Variants in MTREX observed in about 807,000 individuals in gnomAD.
The protein encoded by MTREX is Mtr4 exosome RNA helicase.
MTREX carries 76 observed loss-of-function variants against 135.4 expected under a neutral mutation model. The observed-to-expected ratio is 0.56, with a 90% CI of 0.47 to 0.68. MTREX has a LOEUF of 0.68. MTREX is among the 30% of genes least tolerant of loss of function. The pLI is 0.00. For synonymous variants in MTREX, 404 were observed against 401.6 expected, an observed-to-expected ratio of 1.01 and a Z score of -0.07; for missense variants, 920 against 1,262.1, an observed-to-expected ratio of 0.73 and a Z score of 4.11.
chr5:55,406,541 T>C (rs1353790694), intron 22 of MTREX, among the ~76,000 whole-genome samples: 5 of 152,158 alleles, frequency 3.3e-5, no homozygotes, highest in Non-Finnish European at 5.9e-5. Context: ...TACACCATCA[T>C]TTCCACCACA....
In MTREX at chr5:55,424,976, G is replaced by A; in HGVS notation, c.*204G>A. 2 of 646,576 alleles carry A rather than the reference G, an allele frequency of 3.1e-6. No homozygotes were observed. The highest frequency in any genetic ancestry group is 4.5e-5 in the South Asian group (2 of 44,654). 40.1% of individuals were successfully genotyped at this position (646,576 alleles called of 1,614,324 possible). ...TTTTTAATAAAAATGTATACAGGTG[G>A]GGCACTGTTTTGGTGGAAGGCTTGG... On this transcript the variant is annotated 3_prime_UTR_variant, in exon 27 of 27. Coordinates refer to ENST00000230640, the MANE Select transcript of MTREX (RefSeq NM_015360.5).
rs147322302 is a variant in MTREX, at chr5:55,414,210, A to G, written c.2780A>G (p.Gln927Arg). Residue 927 changes from glutamine (Q) to arginine (R), a missense_variant, in exon 24 of 27, where the codon CAA becomes CGA. By Grantham distance (43) the Gln-to-Arg change is conservative. Coordinates refer to ENST00000230640, the MANE Select transcript of MTREX (RefSeq NM_015360.5). ...AGTGAGATGCCCAAATTAACAGAAC[A>G]ATTAGCAGGACCACTTCGTCAAATG... Reference protein sequence around the residue: ...NSSEMPKLTEQLAGPLRQMQE... With the variant: ...NSSEMPKLTERLAGPLRQMQE... 156 of 1,572,794 alleles carry G rather than the reference A, an allele frequency of 9.9e-5. No homozygotes were observed. The African/African-American group carries it at 2.1e-3, about 21-fold the overall frequency.
chr5:55,311,224 TTA>T (rs1749106647), intron 1 of MTREX, among the ~76,000 whole-genome samples: 2 of 152,220 alleles, frequency 1.3e-5, no homozygotes, highest in Non-Finnish European at 2.9e-5. Context: ...TCTTTTTTTT[TTA>T]ATCAAATGCA....
At position 55,347,049 on chromosome 5, in the gene MTREX, T is replaced by G; in HGVS notation, c.1145T>G (p.Met382Arg). ...GTTTTCAAAATTGTGAAGATGATTA[T>G]GGAAAGAAATTTCCAACCTGTGATT... is the stretch of plus-strand genomic sequence containing the variant. The part of the protein sequence containing the change: ...SNVFKIVKMI[M>R]ERNFQPVIIF... The change falls in exon 11 of 27, where the codon ATG becomes AGG. Residue 382 changes from methionine (M) to arginine (R), a missense_variant. By Grantham distance (91) the Met-to-Arg change is moderately conservative. This residue lies in a region of MTREX where 101 missense variants were observed against 119.1 expected (regional missense o/e 0.85). Transcript: ENST00000230640. 1 of 1,610,980 alleles carries G rather than the reference T, an allele frequency of 6.2e-7. No homozygotes were observed. The highest frequency in any genetic ancestry group is 8.5e-7 in the Non-Finnish European group (1 of 1,179,022).
intron 14 of MTREX, chr5:55,356,669 C>T (rs1749920395): frequency 6.5e-6 from 1 of 154,030 alleles, no homozygotes; most frequent in Non-Finnish European, 1.4e-5. Context: ...ATTGTTGTCC[C>T]CAAAGGGCAT....
rs1379556821 is a variant in MTREX at position 55,327,781 on chromosome 5, C to G, written c.402+3C>G. ...CACGAGTTGGAAAAGCTGCTAAGGT[C>G]TGTACTTTGGGTAATACAGTTTATA... is the stretch of plus-strand genomic sequence containing the variant. On this transcript the variant is annotated splice_donor_region_variant and intron_variant, in intron 4 of 26. Transcript: ENST00000230640. The G allele has an allele frequency of 1.9e-6, 3 of 1,607,948 alleles. No homozygotes were observed. The highest frequency in any genetic ancestry group is 2.2e-5 in the East Asian group (1 of 44,730).
Position 55,322,462 on chromosome 5 carries a change from A to T in MTREX, c.270A>T (p.Leu90Phe). The T allele has an allele frequency of 6.4e-7, 1 of 1,573,370 alleles. No homozygotes were observed. Among genetic ancestry groups the T allele is most frequent in the African/African-American group, 1.4e-5 (1 of 72,694 alleles). ...PRIEESITED[L>F]SLADLMPRVK... ...TAGAAGAGTCAATAACTGAAGACTT[A>T]AGGTAATATTTCCAAAGTCCTAAAT... The change falls in exon 2 of 27, where the codon TTA becomes TTT. Residue 90 changes from leucine to phenylalanine, a missense_variant and splice_region_variant. Leu to Phe is a conservative substitution (Grantham distance 22). Transcript: ENST00000230640.
At chr5:55,421,115 T>C (rs1751048397) in intron 25 of MTREX, among the ~76,000 whole-genome samples, 1 of 152,218 alleles carries the variant, frequency 6.6e-6, no homozygotes, top group African/African-American at 2.4e-5. Context: ...TTGGTCAGCT[T>C]CATTTAGCCT....
Position 55,425,241 on chromosome 5 carries a change from TTGTTGG to T in MTREX, c.*474_*479del. On this transcript the variant is annotated 3_prime_UTR_variant, in exon 27 of 27. Transcript: ENST00000230640. ...TGATTGCTCGGATAGTGATTCCCAG[TTGTTGG>T]TGTTTCATGCAGAGTTGTATGAGAG... The T allele has an allele frequency of 6.2e-7, 1 of 1,613,950 alleles. No individual in the cohort carries two copies.
At chr5:55,406,972 A>G (rs556554025) in intron 22 of MTREX, among the ~76,000 whole-genome samples, 1 of 152,200 alleles carries the variant, frequency 6.6e-6, no homozygotes, top group African/African-American at 2.4e-5. Flanking sequence ...TTAACTGGAA[A>G]GTCATAAACT....
At chr5:55,341,160 C>T in intron 6 of MTREX, among the ~76,000 whole-genome samples, 1 of 152,120 alleles carries the variant, frequency 6.6e-6, no homozygotes, top group East Asian at 1.9e-4. Context: ...TCAAAACTTT[C>T]TTTCATCTGT....
In MTREX at chr5:55,424,708, C is replaced by G; in HGVS notation, c.3077-12C>G. The stretch of plus-strand genomic sequence containing the variant: ...GTCTTGAAAGTTTAAACCTTACTTT[C>G]TTTTCTCTTAGGAATCACCAAAATC... On this transcript the variant is annotated splice_polypyrimidine_tract_variant and intron_variant, in intron 26 of 26. Coordinates refer to ENST00000230640, the MANE Select transcript of MTREX (RefSeq NM_015360.5). 6.2e-7 allele frequency: 1 copy of G among 1,604,992 alleles called. No homozygotes were observed. Among genetic ancestry groups the G allele is most frequent in the Non-Finnish European group, 8.5e-7 (1 of 1,172,052 alleles).
At position 55,425,413 on chromosome 5, in the gene MTREX, A is replaced by G; in HGVS notation, c.*641A>G. 1 of 1,298,618 alleles carries G rather than the reference A, an allele frequency of 7.7e-7. No homozygotes were observed. Among genetic ancestry groups the G allele is most frequent in the Non-Finnish European group, 1.1e-6 (1 of 938,118 alleles). The allele number at this position is 1,298,618 out of a possible 1,614,324, so 80.4% of individuals were successfully genotyped here. A position where few individuals can be genotyped will look rare whatever the true frequency, so the allele number is the denominator to read the frequency against. ...CAAAGTTGTGATCAACAGCATCCTA[A>G]GATAAATATAAACAAAAGGATATAC... is the stretch of plus-strand genomic sequence containing the variant. On this transcript the variant is annotated 3_prime_UTR_variant, in exon 27 of 27. Transcript: ENST00000230640.
chr5:55,422,181 C>T (rs1377308502), intron 25 of MTREX, among the ~76,000 whole-genome samples: 1 of 152,164 alleles, frequency 6.6e-6, no homozygotes, highest in Non-Finnish European at 1.5e-5. Flanking sequence ...CTCACAATCT[C>T]TGCTCCTCTT....
intron 12 of MTREX, among the ~76,000 whole-genome samples, chr5:55,350,372 T>C (rs377487267): frequency 7.2e-4 from 110 of 152,336 alleles, no homozygotes; most frequent in African/African-American, 2.6e-3. Flanking sequence ...ATAAACTTTT[T>C]TGTAGTTTTT....
intron 15 of MTREX, among the ~76,000 whole-genome samples, chr5:55,365,459 A>T (rs1251062703): frequency 6.6e-6 from 1 of 152,154 alleles, no homozygotes; most frequent in East Asian, 1.9e-4. Flanking sequence ...TCTGCATAAA[A>T]TCCTGACTGC....
At chr5:55,390,216 C>CCT (rs915380367) in intron 19 of MTREX, among the ~76,000 whole-genome samples, 1 of 152,268 alleles carries the variant, frequency 6.6e-6, no homozygotes, top group Non-Finnish European at 1.5e-5. Context: ...GATTCTCCTG[C>CCT]CTCAACCTCC....
intron 1 of MTREX, among the ~76,000 whole-genome samples, chr5:55,316,319 C>A (rs1259308128): frequency 6.6e-6 from 1 of 152,050 alleles, no homozygotes; most frequent in East Asian, 1.9e-4. Flanking sequence ...CAAAAATGGG[C>A]AGAGACACAA....
intron 11 of MTREX, 91 bp downstream of exon 11, chr5:55,347,235 A>G: frequency 2.3e-6 from 3 of 1,283,530 alleles, no homozygotes; most frequent in Non-Finnish European, 1.1e-6. Context: ...ACATATTACT[A>G]GGATATGCCA....
Sources: allele counts gnomAD v4.1 joint callset (sites outside exome capture counted in the v4.1 genomes callset), GRCh38; gene constraint gnomAD v4.1.1; regional missense constraint gnomAD v4.1.1; transcripts MANE v1.5; gene names NCBI Gene and HGNC (gene_info 2026-07-23, HGNC 2026-07-21).